Variants in HIF1A observed in about 807,000 individuals in gnomAD.
HIF1A encodes hypoxia-inducible factor 1-alpha.
HIF1A carries 24 observed loss-of-function variants against 92.7 expected under a neutral mutation model. The observed-to-expected ratio is 0.26, with a 90% CI of 0.19 to 0.36. The LOEUF is 0.36. HIF1A is among the 10% of genes least tolerant of loss of function. HIF1A has a pLI of 1.00. For missense variants in HIF1A, 799 were observed against 998.5 expected (o/e 0.80, Z 2.69); for synonymous variants, 319 against 338.7 (o/e 0.94, Z 0.64).
At chr14:61,733,483 G>C (rs2301111) in intron 7 of HIF1A, among the ~76,000 whole-genome samples, 95,503 of 152,110 alleles carry the variant, frequency 0.63, 34,964 homozygotes, top group Non-Finnish European at 0.79. Context: ...GTTAAACTTT[G>C]GACTATCTCA....
intron 1 of HIF1A, among the ~76,000 whole-genome samples, chr14:61,712,216 A>G (rs546384513): frequency 3.3e-5 from 5 of 152,196 alleles, no homozygotes; most frequent in Non-Finnish European, 5.9e-5. Context: ...CCTTGTGGGT[A>G]TTTAGGGTAG....
intron 2 of HIF1A, 32 bp from the exon 3 acceptor site, chr14:61,721,477 T>A: frequency 6.4e-7 from 1 of 1,574,524 alleles, no homozygotes; most frequent in Non-Finnish European, 8.7e-7. Flanking sequence ...ACTTTTTAAC[T>A]AATTATTTTC....
At chr14:61,698,841 A>C (rs2044145050) in intron 1 of HIF1A, 1 of 152,174 alleles carries the variant, frequency 6.6e-6, no homozygotes, top group Non-Finnish European at 1.5e-5. Context: ...CCCCAAATAG[A>C]ATACTGAGTT....
At chr14:61,703,522 A>G (rs894811372) in intron 1 of HIF1A, among the ~76,000 whole-genome samples, 21 of 151,814 alleles carry the variant, frequency 1.4e-4, no homozygotes, top group African/African-American at 4.3e-4. Flanking sequence ...CCTTTGCTCT[A>G]TTTGCATGCT....
At chr14:61,721,909 T>A in intron 4 of HIF1A, 86 bp downstream of exon 4, 1 of 898,808 alleles carries the variant, frequency 1.1e-6, no homozygotes, top group Non-Finnish European at 1.8e-6. Flanking sequence ...TTTGCTATTG[T>A]ACTTACCCAA....
chr14:61,728,275 TA>T (rs1240822977), intron 6 of HIF1A, among the ~76,000 whole-genome samples: 1 of 152,226 alleles, frequency 6.6e-6, no homozygotes, highest in African/African-American at 2.4e-5. Flanking sequence ...AAAGATAGAT[TA>T]CCTTAGGTTG....
rs2044809237 is a variant in HIF1A at position 61,747,544 on chromosome 14, A to G, written c.*459A>G. The G allele has an allele frequency of 6.6e-6, 1 of 152,632 alleles. No individual in the cohort carries two copies. The highest frequency in any genetic ancestry group is 2.1e-4 in the South Asian group (1 of 4,834). 9.5% of individuals were successfully genotyped at this position (152,632 alleles called of 1,614,324 possible). A position where few individuals can be genotyped will look rare whatever the true frequency, so the allele number is the denominator to read the frequency against. On this transcript the variant is annotated 3_prime_UTR_variant, in exon 15 of 15. Transcript: ENST00000337138. Reference sequence around the variant, plus strand: ...TTGCCAGCAGTACGTGGTAGCCACAATTGCACAATATATTTTCTTAAAAAA... The same window carrying G: ...TTGCCAGCAGTACGTGGTAGCCACAGTTGCACAATATATTTTCTTAAAAAA...
chr14:61,723,263 T>G (rs753212251), intron 4 of HIF1A, among the ~76,000 whole-genome samples: 2 of 140,334 alleles, frequency 1.4e-5, no homozygotes, highest in Admixed American at 1.6e-4. Context: ...CTTCCTATTT[T>G]ATATGCTTTT....
chr14:61,717,512 T>C (rs1187832620), intron 1 of HIF1A, among the ~76,000 whole-genome samples: 1 of 152,242 alleles, frequency 6.6e-6, no homozygotes, highest in Non-Finnish European at 1.5e-5. Flanking sequence ...AGTTGTTTTC[T>C]TGAAGGCTGG....
intron 12 of HIF1A, among the ~76,000 whole-genome samples, chr14:61,741,838 AGATG>A (rs1194097466): frequency 6.6e-6 from 1 of 152,176 alleles, no homozygotes; most frequent in Non-Finnish European, 1.5e-5. Context: ...CTCACTACTT[AGATG>A]CTTCCATTTC....
intron 1 of HIF1A, among the ~76,000 whole-genome samples, chr14:61,709,374 T>C (rs2044281049): frequency 6.6e-6 from 1 of 152,232 alleles, no homozygotes; most frequent in Non-Finnish European, 1.5e-5. Flanking sequence ...AAGTATTAGC[T>C]ACTTAATAAA....
At chr14:61,729,914 T>A (rs2044555111) in intron 6 of HIF1A, among the ~76,000 whole-genome samples, 1 of 152,186 alleles carries the variant, frequency 6.6e-6, no homozygotes, top group African/African-American at 2.4e-5. Flanking sequence ...TCCAGGAACT[T>A]CTTGCATCTA....
At chr14:61,697,689 C>A in intron 1 of HIF1A, 1 of 1,240,702 alleles carries the variant, frequency 8.1e-7, no homozygotes, top group East Asian at 3.3e-5. Flanking sequence ...CTTGATATAA[C>A]TGAAAAATTA....
intron 1 of HIF1A, among the ~76,000 whole-genome samples, chr14:61,700,199 T>G (rs1698258654): frequency 1.3e-5 from 2 of 152,166 alleles, no homozygotes; most frequent in East Asian, 1.9e-4. Flanking sequence ...TCTTAACCAT[T>G]TCTAAGTACT....
intron 1 of HIF1A, chr14:61,698,834 C>T (rs1232283548): frequency 6.6e-6 from 1 of 152,144 alleles, no homozygotes; most frequent in Non-Finnish European, 1.5e-5. Flanking sequence ...GTTTTCTCCC[C>T]AAATAGAATA....
intron 1 of HIF1A, among the ~76,000 whole-genome samples, chr14:61,714,011 T>G (rs1231329016): frequency 6.6e-6 from 1 of 152,150 alleles, no homozygotes; most frequent in Non-Finnish European, 1.5e-5. Context: ...TGCTGTGGTG[T>G]GGGAGCAGAG....
Position 61,695,853 on chromosome 14 carries a change from C to G in HIF1A, c.35+14C>G. 1 of 1,566,636 alleles carries G rather than the reference C, an allele frequency of 6.4e-7. No homozygotes were observed. The highest frequency in any genetic ancestry group is 8.6e-7 in the Non-Finnish European group (1 of 1,156,118). ...CGACAAGAAAAAGTAAGCCCATTCC[C>G]TCGGCCCGCCGCCTTCTCCCCCGGC... On this transcript the variant is annotated intron_variant, in intron 1 of 14. Transcript: ENST00000337138.
At chr14:61,698,687 G>A (rs557177797) in intron 1 of HIF1A, among the ~76,000 whole-genome samples, 4 of 152,042 alleles carry the variant, frequency 2.6e-5, no homozygotes, top group Non-Finnish European at 5.9e-5. Context: ...CTTGAAAAGC[G>A]TTTTTTTCCT....
Position 61,720,550 on chromosome 14 carries a change from T to C in HIF1A, c.204T>C (p.Arg68=). 6.2e-7 allele frequency: 1 copy of C among 1,605,656 alleles called. No homozygotes were observed. Among genetic ancestry groups the C allele is most frequent in the Non-Finnish European group, 8.5e-7 (1 of 1,176,832 alleles). Residue 68 remains arginine (R), a synonymous_variant, in exon 2 of 15, where the codon CGT becomes CGC. Transcript: ENST00000337138. ...SVMRLTISYL[R]VRKLLDAGDL... ...TGAGGCTTACCATCAGCTATTTGCGTGTGAGGAAACTTCTGGATGCTGGTG... is the reference window on the plus strand; with the variant it reads ...TGAGGCTTACCATCAGCTATTTGCGCGTGAGGAAACTTCTGGATGCTGGTG...
Sources: allele counts gnomAD v4.1 joint callset (sites outside exome capture counted in the v4.1 genomes callset), GRCh38; gene constraint gnomAD v4.1.1; transcripts MANE v1.5; gene names NCBI Gene and HGNC (gene_info 2026-07-23, HGNC 2026-07-21).